ANKS1B: variants seen among roughly 807,000 people sequenced by gnomAD.
The protein encoded by ANKS1B is ankyrin repeat and sterile alpha motif domain-containing protein 1B.
ANKS1B carries 36 observed loss-of-function variants against 148.3 expected under a neutral mutation model. That is an observed-to-expected ratio of 0.24 (90% confidence interval 0.19 to 0.32). The LOEUF is 0.32. Ranked by LOEUF, ANKS1B falls within the 10% of genes least tolerant of loss-of-function variation. The probability of loss-of-function intolerance (pLI) is 1.00; values close to 1 mark genes in which losing one functional copy is unlikely to be tolerated. For missense variants in ANKS1B, 1,157 were observed against 1,542.6 expected (o/e 0.75, Z 4.19); for synonymous variants, 542 against 560.8 (o/e 0.97, Z 0.47).
intron 12 of ANKS1B, among the ~76,000 whole-genome samples, chr12:99,315,561 G>C (rs535143859): frequency 6.6e-6 from 1 of 151,744 alleles, no homozygotes; most frequent in African/African-American, 2.4e-5. Flanking sequence ...TTTTCTATAA[G>C]TTTTATTAAT....
chr12:98,952,487 C>T (rs1186531610), intron 17 of ANKS1B, among the ~76,000 whole-genome samples: 1 of 152,212 alleles, frequency 6.6e-6, no homozygotes, highest in African/African-American at 2.4e-5. Flanking sequence ...TTTTGGCATG[C>T]AGGCTCCTCT....
At chr12:99,074,526 T>C (rs1174845687) in intron 16 of ANKS1B, among the ~76,000 whole-genome samples, 1 of 152,184 alleles carries the variant, frequency 6.6e-6, no homozygotes, top group Non-Finnish European at 1.5e-5. Context: ...ATTTTGTACA[T>C]ATGGGGCTTT....
chr12:98,856,225 T>C lies in ANKS1B; in HGVS notation c.2779-24089A>G, dbSNP rs143384093. ...TGCATTTTATGATGTATATACAGTG[T>C]AGCTATGAATAATCTGCCAGAAATT... is the stretch of plus-strand genomic sequence containing the variant. On this transcript the variant is annotated intron_variant, in intron 17 of 26. Transcript: ENST00000683438. Among the ~76,000 whole-genome samples, 1,039 of 152,362 alleles carry C rather than the reference T, an allele frequency of 6.8e-3. 13 individuals carry two copies. Among genetic ancestry groups the C allele is most frequent in the African/African-American group, 0.023 (963 of 41,580 alleles).
intron 10 of ANKS1B, among the ~76,000 whole-genome samples, chr12:99,469,440 T>A (rs892231707): frequency 6.6e-6 from 1 of 151,912 alleles, no homozygotes; most frequent in Non-Finnish European, 1.5e-5. Context: ...TAAAGTATAA[T>A]AATAATAAAA....
chr12:99,739,088 T>C (rs2059859434), intron 8 of ANKS1B, among the ~76,000 whole-genome samples: 1 of 152,032 alleles, frequency 6.6e-6, no homozygotes, highest in South Asian at 2.1e-4. Flanking sequence ...TACACTATCA[T>C]CTTTCTCCAA....
At chr12:99,262,245 A>T (rs11109785) in intron 12 of ANKS1B, among the ~76,000 whole-genome samples, 49,064 of 151,558 alleles carry the variant, frequency 0.32, 9,474 homozygotes, top group African/African-American at 0.55. Context: ...AATATAAAAA[A>T]ATATATATTT....
intron 12 of ANKS1B, among the ~76,000 whole-genome samples, chr12:99,302,893 C>T (rs2081861056): frequency 6.6e-6 from 1 of 152,114 alleles, no homozygotes; most frequent in African/African-American, 2.4e-5. Flanking sequence ...CATTAAAAAG[C>T]TGACTATAAA....
chr12:98,890,989 T>G (rs2099751489), intron 17 of ANKS1B, among the ~76,000 whole-genome samples: 1 of 152,210 alleles, frequency 6.6e-6, no homozygotes, highest in Non-Finnish European at 1.5e-5. Flanking sequence ...AAAATCTCAA[T>G]GTAGTCCCTG....
intron 17 of ANKS1B, among the ~76,000 whole-genome samples, chr12:98,843,513 C>A (rs554568637): frequency 6.6e-6 from 1 of 152,326 alleles, no homozygotes; most frequent in East Asian, 1.9e-4. Flanking sequence ...ACTAAATAAA[C>A]CTTTTCTTCT....
intron 15 of ANKS1B, among the ~76,000 whole-genome samples, chr12:99,142,845 G>A (rs1054255091): frequency 3.3e-5 from 5 of 151,994 alleles, no homozygotes; most frequent in African/African-American, 1.2e-4. Context: ...GCTTCCTTTT[G>A]AAACAGTGAG....
At chr12:98,866,780 C>T (rs1398575544) in intron 17 of ANKS1B, among the ~76,000 whole-genome samples, 1 of 152,226 alleles carries the variant, frequency 6.6e-6, no homozygotes. Flanking sequence ...GTTCCTCCTG[C>T]CCTTCCTCTC....
intron 17 of ANKS1B, among the ~76,000 whole-genome samples, chr12:98,870,217 T>A (rs927650477): frequency 1.3e-5 from 2 of 152,210 alleles, no homozygotes; most frequent in African/African-American, 4.8e-5. Flanking sequence ...TAAACAAATG[T>A]TTGCTGTGAT....
intron 8 of ANKS1B, among the ~76,000 whole-genome samples, chr12:99,690,111 C>A (rs964195579): frequency 6.6e-6 from 1 of 152,038 alleles, no homozygotes; most frequent in Non-Finnish European, 1.5e-5. Flanking sequence ...CAGGGAAATG[C>A]CAGATGCTTA....
rs71305587 is a variant in ANKS1B, at chr12:98,745,375, CTTTTT to C, written c.*359_*363del. ...TAGGCAGTATTAGAGATCCCCTTTA[CTTTTT>C]TTTTTTTTTTTTTTTTTTTAAAGAA... is the stretch of plus-strand genomic sequence containing the variant. On this transcript the variant is annotated 3_prime_UTR_variant, in exon 27 of 27. Transcript: ENST00000683438. The C allele has an allele frequency of 1.8e-3, 1,617 of 908,186 alleles. No individual in the cohort carries two copies. Among genetic ancestry groups the C allele is most frequent in the South Asian group, 8.3e-3 (154 of 18,544 alleles). The allele number at this position is 908,186 out of a possible 1,614,324, so 56.3% of individuals were successfully genotyped here.
chr12:98,833,102 C>T (rs1440246737), intron 17 of ANKS1B, among the ~76,000 whole-genome samples: 2 of 152,082 alleles, frequency 1.3e-5, no homozygotes, highest in African/African-American at 4.8e-5. Context: ...GAAGAGCTCT[C>T]AAAGGGAACT....
At chr12:98,911,959 C>G (rs2099787458) in intron 17 of ANKS1B, among the ~76,000 whole-genome samples, 1 of 152,154 alleles carries the variant, frequency 6.6e-6, no homozygotes, top group African/African-American at 2.4e-5. Context: ...ACTCTCTGCC[C>G]TTAGCATCTT....
chr12:99,180,006 T>C (rs942333600), intron 14 of ANKS1B, among the ~76,000 whole-genome samples: 1 of 152,132 alleles, frequency 6.6e-6, no homozygotes, highest in Admixed American at 6.5e-5. Flanking sequence ...TGAGAATGCT[T>C]CCTTCTATTT....
At chr12:99,230,621 A>C (rs1247175682) in intron 14 of ANKS1B, among the ~76,000 whole-genome samples, 1 of 152,168 alleles carries the variant, frequency 6.6e-6, no homozygotes, top group African/African-American at 2.4e-5. Context: ...TTGAAAGATC[A>C]AAATTTATAT....
At chr12:98,768,426 TAAAAA>T (rs386377533) in intron 25 of ANKS1B, among the ~76,000 whole-genome samples, 2 of 46,680 alleles carry the variant, frequency 4.3e-5, no homozygotes, top group Non-Finnish European at 3.6e-5. Context: ...GGGTGCTCTC[TAAAAA>T]AAAAAAAAAA....
Sources: allele counts gnomAD v4.1 joint callset (sites outside exome capture counted in the v4.1 genomes callset), GRCh38; gene constraint gnomAD v4.1.1; transcripts MANE v1.5; gene names NCBI Gene and HGNC (gene_info 2026-07-23, HGNC 2026-07-21).